MAST4: variants seen among roughly 807,000 people sequenced by gnomAD.
MAST4 encodes microtubule associated serine/threonine kinase family member 4.
MAST4 carries 89 observed loss-of-function variants against 162.7 expected under a neutral mutation model. That is an observed-to-expected ratio of 0.55 (90% CI 0.46 to 0.65). The LOEUF is 0.65. Among genes scored for constraint, MAST4 ranks in the 30% least tolerant of loss-of-function variants. The pLI is 0.00. For missense variants in MAST4, 3,153 were observed against 3,374.0 expected (o/e 0.93, Z 1.62); for synonymous variants, 1,479 against 1,361.1 (o/e 1.09, Z -1.91).
intron 3 of MAST4, among the ~76,000 whole-genome samples, chr5:66,867,636 T>G (rs1760626228): frequency 6.6e-6 from 1 of 152,242 alleles, no homozygotes; most frequent in South Asian, 2.1e-4. Context: ...TTGCTTCTTT[T>G]ATTAATGATA....
At chr5:67,028,353 A>T (rs1411813620) in intron 4 of MAST4, among the ~76,000 whole-genome samples, 1 of 152,158 alleles carries the variant, frequency 6.6e-6, no homozygotes, top group Non-Finnish European at 1.5e-5. Flanking sequence ...CAGGAAATGT[A>T]CTCTGAGGGT....
intron 5 of MAST4, among the ~76,000 whole-genome samples, chr5:67,066,407 CATAA>C (rs1442063987): frequency 1.3e-5 from 2 of 150,586 alleles, no homozygotes; most frequent in Non-Finnish European, 3.0e-5. Context: ...AACATCCTTA[CATAA>C]ATTTATATAA....
rs1347302687 is a variant in MAST4 at position 67,144,558 on chromosome 5, ATTAG to A, written c.2731-108_2731-105del. The A allele has an allele frequency of 2.7e-6, 3 of 1,095,072 alleles. No homozygotes were observed. The African/African-American group carries it at 4.7e-5, about 17-fold the overall frequency. The allele number at this position is 1,095,072 out of a possible 1,614,324, so 67.8% of individuals were successfully genotyped here. The stretch of plus-strand genomic sequence containing the variant: ...GGAAAGTACTTTCTGAATACACAAT[ATTAG>A]TTCAGAATTTAGTTATCCTCTCAGG... On this transcript the variant is annotated intron_variant, in intron 21 of 28. Transcript: ENST00000403625.
chr5:66,797,949 A>G (rs533702088), intron 3 of MAST4, among the ~76,000 whole-genome samples: 5 of 152,228 alleles, frequency 3.3e-5, no homozygotes, highest in Admixed American at 6.5e-5. Flanking sequence ...AGTGATGATG[A>G]AATGAGTTCT....
At chr5:67,096,248 A>G (rs1764457041) in intron 7 of MAST4, among the ~76,000 whole-genome samples, 2 of 152,182 alleles carry the variant, frequency 1.3e-5, no homozygotes, top group Non-Finnish European at 2.9e-5. Context: ...GAAAATGGAT[A>G]CTCTTGCCCC....
At chr5:66,616,159 C>T (rs1426446824) in intron 1 of MAST4, among the ~76,000 whole-genome samples, 1 of 152,088 alleles carries the variant, frequency 6.6e-6, no homozygotes, top group Non-Finnish European at 1.5e-5. Flanking sequence ...GAAACAAATG[C>T]CAGCCACTCA....
intron 3 of MAST4, among the ~76,000 whole-genome samples, chr5:66,880,923 T>C (rs1230887719): frequency 6.6e-6 from 1 of 152,148 alleles, no homozygotes; most frequent in Non-Finnish European, 1.5e-5. Context: ...GGAAGGTGAG[T>C]ATAGCCAGCT....
chr5:66,848,196 G>C (rs1759028725), intron 3 of MAST4, among the ~76,000 whole-genome samples: 1 of 152,032 alleles, frequency 6.6e-6, no homozygotes. Context: ...AGTAAATTTA[G>C]TGTATCCCCT....
At position 66,739,484 on chromosome 5, in the gene MAST4, G is replaced by T. The variant is rs140644646; in HGVS notation, c.364-20225G>T. On this transcript the variant is annotated intron_variant, in intron 1 of 28. Coordinates refer to ENST00000403625, the MANE Select transcript of MAST4 (RefSeq NM_001164664.2). ...TTGACCTTGCTCCAAGGAGTTTTTA[G>T]AAATAGCCAGACCTCCTCTCTTTTC... is the stretch of plus-strand genomic sequence containing the variant. Among the ~76,000 whole-genome samples the T allele has an allele frequency of 5.6e-3, 858 of 152,282 alleles. 7 individuals carry two copies. The highest frequency in any genetic ancestry group is 0.05 in the South Asian group (242 of 4,820).
intron 1 of MAST4, among the ~76,000 whole-genome samples, chr5:66,605,858 T>C (rs1278057144): frequency 6.6e-6 from 1 of 152,202 alleles, no homozygotes; most frequent in African/African-American, 2.4e-5. Flanking sequence ...GTTTTCAAGA[T>C]TTCCACTTTT....
At chr5:66,650,236 CT>C (rs1267355077) in intron 1 of MAST4, among the ~76,000 whole-genome samples, 1 of 152,112 alleles carries the variant, frequency 6.6e-6, no homozygotes, top group Non-Finnish European at 1.5e-5. Context: ...TCTCCTTGCT[CT>C]GGCTTGGGCT....
intron 4 of MAST4, among the ~76,000 whole-genome samples, chr5:66,954,629 G>A (rs1287748524): frequency 1.3e-5 from 2 of 151,998 alleles, no homozygotes; most frequent in African/African-American, 2.4e-5. Flanking sequence ...GCCTGGGCGT[G>A]GTGTCTCACA....
At chr5:66,609,173 G>A (rs1400163756) in intron 1 of MAST4, among the ~76,000 whole-genome samples, 1 of 150,828 alleles carries the variant, frequency 6.6e-6, no homozygotes, top group Non-Finnish European at 1.5e-5. Context: ...CTTTGGCCAC[G>A]TGTCACAAGT....
chr5:66,911,808 C>T (rs1416314753), intron 4 of MAST4, among the ~76,000 whole-genome samples: 1 of 152,048 alleles, frequency 6.6e-6, no homozygotes, highest in Non-Finnish European at 1.5e-5. Context: ...TTACATATTT[C>T]ATAGATGTTT....
chr5:66,977,288 C>T lies in MAST4; in HGVS notation c.675-77116C>T, dbSNP rs1432765749. Among the ~76,000 whole-genome samples, 6 of 151,880 alleles carry T rather than the reference C, an allele frequency of 4.0e-5. 1 individual carries two copies. In the South Asian group the frequency reaches 6.2e-4, roughly 16 times the overall value. On this transcript the variant is annotated intron_variant, in intron 4 of 28. Coordinates refer to ENST00000403625, the MANE Select transcript of MAST4 (RefSeq NM_001164664.2). Reference sequence around the variant, plus strand: ...GCTAATTTTGTGTTTTTAGTAGAGACGGTGTTTCTCCATGTTTGTCAGGCA... The same window carrying T: ...GCTAATTTTGTGTTTTTAGTAGAGATGGTGTTTCTCCATGTTTGTCAGGCA...
chr5:66,628,443 T>C (rs937812435), intron 1 of MAST4, among the ~76,000 whole-genome samples: 4 of 151,590 alleles, frequency 2.6e-5, no homozygotes, highest in African/African-American at 9.7e-5. Flanking sequence ...TTAGCTAAAA[T>C]GACATGTTGA....
intron 10 of MAST4, 130 bp from the exon 11 acceptor site, chr5:67,109,968 T>C (rs990165842): frequency 9.4e-6 from 6 of 640,394 alleles, no homozygotes; most frequent in Non-Finnish European, 1.7e-5. Flanking sequence ...TTATCAATCT[T>C]TTAATAGCAT....
At chr5:66,907,818 CA>C (rs1320586817) in intron 4 of MAST4, among the ~76,000 whole-genome samples, 2 of 152,006 alleles carry the variant, frequency 1.3e-5, no homozygotes, top group Non-Finnish European at 2.9e-5. Context: ...AAAGTAAAGG[CA>C]ATGTTTCCTG....
intron 3 of MAST4, among the ~76,000 whole-genome samples, chr5:66,854,833 A>G (rs1254564760): frequency 2.0e-5 from 3 of 151,952 alleles, no homozygotes; most frequent in Non-Finnish European, 4.4e-5. Flanking sequence ...GAAGAGGAAA[A>G]AGATGTGAGC....
Sources: gnomAD v4.1 joint callset for allele counts (sites outside exome capture counted in the v4.1 genomes callset) on GRCh38, gnomAD v4.1.1 for gene constraint, MANE v1.5 for transcripts, NCBI Gene and HGNC (gene_info 2026-07-23, HGNC 2026-07-21) for gene names.